SMAD2: variants seen among roughly 807,000 people sequenced by gnomAD.
SMAD2 encodes the protein MAD homolog 2.
A neutral mutation model predicts 64.4 loss-of-function variants in SMAD2; 8 were observed. The observed-to-expected ratio is 0.12, with a 90% CI of 0.07 to 0.22. The LOEUF (loss-of-function observed/expected upper bound fraction) is 0.22, where lower values mean the gene tolerates loss of function less well. SMAD2 is among the 10% of genes least tolerant of loss of function. The probability of loss-of-function intolerance (pLI) is 1.00; values close to 1 mark genes in which losing one functional copy is unlikely to be tolerated. For synonymous variants in SMAD2, 203 were observed against 195.8 expected, an observed-to-expected ratio of 1.04 and a Z score of -0.31; for missense variants, 289 against 561.2, an observed-to-expected ratio of 0.51 and a Z score of 4.90.
chr18:47,899,564 T>C (rs974983490), intron 1 of SMAD2, among the ~76,000 whole-genome samples: 10 of 152,162 alleles, frequency 6.6e-5, no homozygotes, highest in African/African-American at 2.2e-4. Flanking sequence ...AGCAGCATGA[T>C]GCCAGAGAAC....
intron 1 of SMAD2, chr18:47,923,773 T>A (rs2034654305): frequency 6.6e-6 from 1 of 152,222 alleles, no homozygotes; most frequent in Admixed American, 6.5e-5. Flanking sequence ...TCTAAAGGCT[T>A]TCTAGTTGCT....
At position 47,836,331 on chromosome 18, in the gene SMAD2, A is replaced by T. The variant is rs1913408642; in HGVS notation, c.*5496T>A. ...GTTAGTACATCCCAGAATCTGCTGG[A>T]TGTATAATAATTTAGTAACGGGGTA... On this transcript the variant is annotated 3_prime_UTR_variant, in exon 11 of 11. Coordinates refer to ENST00000262160, the MANE Select transcript of SMAD2 (RefSeq NM_005901.6). 2 of 223,176 alleles carry T rather than the reference A, an allele frequency of 9.0e-6. No homozygotes were observed. The highest frequency in any genetic ancestry group is 4.5e-5 in the African/African-American group (2 of 44,740). 13.8% of individuals were successfully genotyped at this position (223,176 alleles called of 1,614,324 possible).
Position 47,821,595 on chromosome 18 carries a change from T to C in SMAD2, c.*20232A>G, listed in dbSNP as rs1466291648. On this transcript the variant is annotated 3_prime_UTR_variant, in exon 11 of 11. Coordinates refer to ENST00000262160, the MANE Select transcript of SMAD2 (RefSeq NM_005901.6). ...TAACCTTGGAAATACTCTTCCTGTGTCTGATTAAATTCAAGTACCTTTTCA... is the reference window on the plus strand; with the variant it reads ...TAACCTTGGAAATACTCTTCCTGTGCCTGATTAAATTCAAGTACCTTTTCA... The C allele has an allele frequency of 6.6e-6, 1 of 152,240 alleles. No individual in the cohort carries two copies. The highest frequency in any genetic ancestry group is 2.1e-4 in the South Asian group (1 of 4,832). 9.4% of individuals were successfully genotyped at this position (152,240 alleles called of 1,614,324 possible).
At chr18:47,896,834 T>C in intron 1 of SMAD2, 25 bp from the exon 2 acceptor site, 3 of 1,550,700 alleles carry the variant, frequency 1.9e-6, no homozygotes, top group Non-Finnish European at 2.6e-6. Context: ...GAAAGGATGA[T>C]GTAGAGACTA....
chr18:47,860,604 A>G (rs2031100341), intron 6 of SMAD2, among the ~76,000 whole-genome samples: 1 of 152,122 alleles, frequency 6.6e-6, no homozygotes, highest in Non-Finnish European at 1.5e-5. Flanking sequence ...TTAAGAAAGA[A>G]ATAATGCCAA....
At chr18:47,863,189 C>A (rs946014391) in intron 6 of SMAD2, among the ~76,000 whole-genome samples, 14 of 152,128 alleles carry the variant, frequency 9.2e-5, no homozygotes, top group African/African-American at 3.1e-4. Flanking sequence ...TAAATTGGAG[C>A]CCTGCATCAG....
chr18:47,875,892 G>C (rs2032235162), intron 2 of SMAD2, among the ~76,000 whole-genome samples: 1 of 152,042 alleles, frequency 6.6e-6, no homozygotes, highest in Non-Finnish European at 1.5e-5. Context: ...ATGTTAATTG[G>C]AATTTTGTGG....
intron 2 of SMAD2, among the ~76,000 whole-genome samples, chr18:47,880,354 G>GAT (rs1465740048): frequency 6.6e-6 from 1 of 152,066 alleles, no homozygotes; most frequent in African/African-American, 2.4e-5. Context: ...CTTCCACATG[G>GAT]ATATTCAGCT....
At chr18:47,847,573 A>C (rs1914626322) in intron 8 of SMAD2, among the ~76,000 whole-genome samples, 1 of 152,006 alleles carries the variant, frequency 6.6e-6, no homozygotes, top group South Asian at 2.1e-4. Context: ...AATTCATTTA[A>C]AAATCAAATC....
At chr18:47,924,642 A>G (rs2034692491) in intron 1 of SMAD2, among the ~76,000 whole-genome samples, 1 of 151,912 alleles carries the variant, frequency 6.6e-6, no homozygotes, top group Non-Finnish European at 1.5e-5. Flanking sequence ...TTGCATTTTT[A>G]GTAGAGACAA....
Position 47,845,374 on chromosome 18 carries a change from T to C in SMAD2, c.1246A>G (p.Met416Val). The C allele has an allele frequency of 6.2e-7, 1 of 1,613,976 alleles. No individual in the cohort carries two copies. Among genetic ancestry groups the C allele is most frequent in the Non-Finnish European group, 8.5e-7 (1 of 1,179,912 alleles). The part of the protein sequence containing the change: ...YQLTRMCTIR[M>V]SFVKGWGAEY... Reference sequence around the variant, plus strand: ...GCTCCCCACCCTTTCACAAAACTCATTCTTATGGTGCACATTCTAGTTAGC... The same window carrying C: ...GCTCCCCACCCTTTCACAAAACTCACTCTTATGGTGCACATTCTAGTTAGC... The change falls in exon 10 of 11, where the codon ATG becomes GTG. Residue 416 changes from methionine to valine, a missense_variant. Around this residue, in one of 6 missense-constraint regions of SMAD2, gnomAD observed 20 missense variants for 82.8 expected, o/e 0.24. Transcript: ENST00000262160.
rs771323065 is a variant in SMAD2 at position 47,841,785 on chromosome 18, T to G, written c.*42A>C. 6 of 1,612,528 alleles carry G rather than the reference T, an allele frequency of 3.7e-6. No homozygotes were observed. In the Admixed American group the frequency reaches 1.0e-4, roughly 27 times the overall value. On this transcript the variant is annotated 3_prime_UTR_variant, in exon 11 of 11. Transcript: ENST00000262160. ...CACACACAATGCTATGACAGAAGAGTTGTTACATTAAGTCTTTTCATGGGA... is the reference window on the plus strand; with the variant it reads ...CACACACAATGCTATGACAGAAGAGGTGTTACATTAAGTCTTTTCATGGGA...
At chr18:47,901,986 TC>T (rs1393495967) in intron 1 of SMAD2, among the ~76,000 whole-genome samples, 5 of 152,134 alleles carry the variant, frequency 3.3e-5, no homozygotes, top group African/African-American at 1.2e-4. Context: ...TCAAGTCGCT[TC>T]CCCTAGAGAA....
intron 1 of SMAD2, among the ~76,000 whole-genome samples, chr18:47,907,358 A>G (rs2033946622): frequency 6.6e-6 from 1 of 152,204 alleles, no homozygotes; most frequent in Admixed American, 6.6e-5. Flanking sequence ...GAGCTTATAC[A>G]CTCCACAACA....
rs1913417937 is a variant in SMAD2, at chr18:47,836,402, T to G, written c.*5425A>C. On this transcript the variant is annotated 3_prime_UTR_variant, in exon 11 of 11. Transcript: ENST00000262160. Reference sequence around the variant, plus strand: ...TGTTAACAAATTTTGGCTGTGATTCTTAGTTACCAAGTTGCCAAAAAATGG... The same window carrying G: ...TGTTAACAAATTTTGGCTGTGATTCGTAGTTACCAAGTTGCCAAAAAATGG... 1 of 221,890 alleles carries G rather than the reference T, an allele frequency of 4.5e-6. No individual in the cohort carries two copies. Among genetic ancestry groups the G allele is most frequent in the Non-Finnish European group, 9.0e-6 (1 of 110,882 alleles). 13.7% of individuals were successfully genotyped at this position (221,890 alleles called of 1,614,324 possible).
At position 47,851,290 on chromosome 18, in the gene SMAD2, A is replaced by T; in HGVS notation, c.768T>A (p.Pro256=). 6.2e-7 allele frequency: 1 copy of T among 1,608,752 alleles called. No individual in the cohort carries two copies. The highest frequency in any genetic ancestry group is 8.5e-7 in the Non-Finnish European group (1 of 1,175,480). ...GCAACTTACCCAAGCTATGATTAAC[A>T]GGGGAAAGAGTAGTAGGAGATAGTT... ...PAELSPTTLS[P]VNHSLDLQPV... is the part of the protein sequence containing the mutation. Residue 256 remains proline, a synonymous_variant, in exon 7 of 11, where the codon CCT becomes CCA. Transcript: ENST00000262160.
At position 47,815,227 on chromosome 18, in the gene SMAD2, TTTGA is replaced by T. The variant is rs1202410750; in HGVS notation, c.*26596_*26599del. The T allele has an allele frequency of 6.6e-6, 1 of 152,234 alleles. No individual in the cohort carries two copies. Among genetic ancestry groups the T allele is most frequent in the Admixed American group, 6.5e-5 (1 of 15,290 alleles). 9.4% of individuals were successfully genotyped at this position (152,234 alleles called of 1,614,324 possible). A position where few individuals can be genotyped will look rare whatever the true frequency, so the allele number is the denominator to read the frequency against. On this transcript the variant is annotated 3_prime_UTR_variant, in exon 11 of 11. Coordinates refer to ENST00000262160, the MANE Select transcript of SMAD2 (RefSeq NM_005901.6). ...ATTTGAATCGAAAGAGAACGTTATCTTTGATTGGCAAGTTTAAGGCCATCCACCT... is the reference window on the plus strand; with the variant it reads ...ATTTGAATCGAAAGAGAACGTTATCTTTGGCAAGTTTAAGGCCATCCACCT...
chr18:47,851,420 C>T (rs1308688240), intron 6 of SMAD2, 93 bp from the exon 7 acceptor site: 6 of 735,870 alleles, frequency 8.2e-6, no homozygotes, highest in Non-Finnish European at 1.2e-5. Flanking sequence ...TAATTATCAA[C>T]AATAATACAA....
chr18:47,889,563 A>T (rs2033088265), intron 2 of SMAD2, among the ~76,000 whole-genome samples: 1 of 152,138 alleles, frequency 6.6e-6, no homozygotes, highest in Non-Finnish European at 1.5e-5. Flanking sequence ...CGAGGTCAGG[A>T]GATCGAGACC....
Sources: gnomAD v4.1 joint callset for allele counts (sites outside exome capture counted in the v4.1 genomes callset) on GRCh38, gnomAD v4.1.1 for gene constraint, gnomAD v4.1.1 regional missense constraint, MANE v1.5 for transcripts, NCBI Gene and HGNC (gene_info 2026-07-23, HGNC 2026-07-21) for gene names.